The following CCDC171 variants were observed in gnomAD, a reference collection of about 807,000 sequenced individuals.
The protein encoded by CCDC171 is coiled-coil domain-containing protein 171.
CCDC171 carries 177 observed loss-of-function variants against 168.2 expected under a neutral mutation model. The observed-to-expected ratio is 1.05, with a 90% CI of 0.93 to 1.19. The LOEUF (loss-of-function observed/expected upper bound fraction) is 1.19, where lower values mean the gene tolerates loss of function less well. Ranked by LOEUF, CCDC171 falls within the 50% of genes most tolerant of loss-of-function variation. The pLI is 0.00. For synonymous variants in CCDC171, 687 were observed against 540.8 expected, an observed-to-expected ratio of 1.27 and a Z score of -3.75; for missense variants, 1,991 against 1,539.0, an observed-to-expected ratio of 1.29 and a Z score of -4.91.
intron 9 of CCDC171, among the ~76,000 whole-genome samples, chr9:15,674,114 T>C (rs1373923861): frequency 6.6e-6 from 1 of 152,212 alleles, no homozygotes; most frequent in East Asian, 1.9e-4. Context: ...CCATTTCTTC[T>C]AGATTTTCTA....
intron 25 of CCDC171, among the ~76,000 whole-genome samples, chr9:15,965,148 T>TAA (rs1476240208): frequency 3.9e-5 from 6 of 152,356 alleles, no homozygotes; most frequent in Non-Finnish European, 5.9e-5. Flanking sequence ...ATGAAAGGGC[T>TAA]ATAACTTTCA....
intron 11 of CCDC171, among the ~76,000 whole-genome samples, chr9:15,714,483 A>G (rs2052924200): frequency 2.0e-5 from 3 of 152,154 alleles, no homozygotes; most frequent in South Asian, 4.1e-4. Context: ...TGACCTCTGT[A>G]AGCTCCTACC....
chr9:15,774,437 T>TA (rs1034650233), intron 18 of CCDC171, among the ~76,000 whole-genome samples: 8 of 149,936 alleles, frequency 5.3e-5, no homozygotes, highest in South Asian at 2.1e-4. Context: ...ATGGCCATAA[T>TA]AAAAAAAAAT....
chr9:16,069,173 G>A, the CCDC171 span, among the ~76,000 whole-genome samples: 1 of 152,150 alleles, frequency 6.6e-6, no homozygotes, highest in East Asian at 1.9e-4. Flanking sequence ...AAGGAGTAAG[G>A]TTAAAATCAT....
intron 25 of CCDC171, among the ~76,000 whole-genome samples, chr9:15,938,442 AT>A (rs982913764): frequency 4.0e-5 from 6 of 151,280 alleles, no homozygotes; most frequent in East Asian, 2.0e-4. Context: ...AAAAATCCTA[AT>A]TTTTTTTTCT....
At chr9:15,872,865 G>T (rs184390996) in intron 23 of CCDC171, among the ~76,000 whole-genome samples, 11 of 152,028 alleles carry the variant, frequency 7.2e-5, no homozygotes, top group Admixed American at 6.6e-5. Context: ...GCAAGAGAAG[G>T]TATTCATACA....
chr9:15,642,183 T>G (rs1171401287), intron 7 of CCDC171, among the ~76,000 whole-genome samples: 2 of 151,442 alleles, frequency 1.3e-5, no homozygotes, highest in Non-Finnish European at 2.9e-5. Flanking sequence ...AAAGGACTGT[T>G]GTTCGTAGTG....
chr9:16,028,865 C>T (rs1833320708), intron 6 of CCDC171, among the ~76,000 whole-genome samples: 1 of 152,204 alleles, frequency 6.6e-6, no homozygotes, highest in Admixed American at 6.5e-5. Flanking sequence ...TAGTATTGCA[C>T]TGCAGTCTAA....
chr9:15,856,508 A>G (rs2061354485), intron 23 of CCDC171, among the ~76,000 whole-genome samples: 1 of 151,962 alleles, frequency 6.6e-6, no homozygotes, highest in Admixed American at 6.6e-5. Flanking sequence ...ATTTCATAAG[A>G]TTTCCTTCTT....
intron 24 of CCDC171, among the ~76,000 whole-genome samples, chr9:15,899,146 G>C (rs1432929272): frequency 6.6e-6 from 1 of 152,116 alleles, no homozygotes; most frequent in Non-Finnish European, 1.5e-5. Context: ...TATATCAATA[G>C]TTTATTCCTT....
At chr9:15,610,889 C>T (rs1350307343) in intron 6 of CCDC171, among the ~76,000 whole-genome samples, 2 of 152,012 alleles carry the variant, frequency 1.3e-5, no homozygotes, top group Non-Finnish European at 2.9e-5. Context: ...TGTTTGGCTT[C>T]ATTTTGTAGT....
At chr9:16,070,304 A>C in the CCDC171 span, among the ~76,000 whole-genome samples, 1 of 152,170 alleles carries the variant, frequency 6.6e-6, no homozygotes, top group Non-Finnish European at 1.5e-5. Context: ...CTGCCTCGGC[A>C]AACAATTGGT....
chr9:15,650,102 A>G (rs1410905035), intron 7 of CCDC171, among the ~76,000 whole-genome samples: 1 of 152,212 alleles, frequency 6.6e-6, no homozygotes, highest in East Asian at 1.9e-4. Flanking sequence ...CTTTGTAGGG[A>G]CATGGATGAA....
chr9:15,657,167 A>C lies in CCDC171; in HGVS notation c.863A>C (p.Glu288Ala), dbSNP rs756758423. 3.7e-6 allele frequency: 6 copies of C among 1,611,208 alleles called. No homozygotes were observed. The highest frequency in any genetic ancestry group is 1.7e-5 in the Admixed American group (1 of 59,466). The change falls in exon 8 of 26, where the codon GAA becomes GCA. Residue 288 changes from glutamate (E) to alanine (A), a missense_variant. Glu to Ala is a moderately radical substitution (Grantham distance 107, BLOSUM62 -1). Transcript: ENST00000380701. The part of the protein sequence containing the change: ...LRVRKLEENI[E>A]AERAAHLESK... ...GTGAGGAAATTAGAAGAAAACATTG[A>C]AGCAGAAAGAGCAGCGCATTTGGAA...
chr9:15,923,969 A>G (rs1483365404), intron 25 of CCDC171, among the ~76,000 whole-genome samples: 1 of 151,422 alleles, frequency 6.6e-6, no homozygotes, highest in African/African-American at 2.4e-5. Flanking sequence ...CAGCTTATAT[A>G]TAATGTGTTA....
At chr9:15,926,066 T>TA (rs80315649) in intron 25 of CCDC171, among the ~76,000 whole-genome samples, 1 of 151,318 alleles carries the variant, frequency 6.6e-6, no homozygotes, top group Non-Finnish European at 1.5e-5. Flanking sequence ...AATAGGCATA[T>TA]AAAAAAATCT....
At chr9:15,736,859 G>T (rs116563914) in intron 16 of CCDC171, among the ~76,000 whole-genome samples, 5 of 152,022 alleles carry the variant, frequency 3.3e-5, no homozygotes, top group African/African-American at 1.2e-4. Flanking sequence ...GTATTTTTTC[G>T]TAGAGATTGG....
the CCDC171 span, among the ~76,000 whole-genome samples, chr9:16,092,693 C>A: frequency 6.6e-6 from 1 of 152,226 alleles, no homozygotes; most frequent in Non-Finnish European, 1.5e-5. Flanking sequence ...TGAGGCAGAT[C>A]TGAGGAGCTC....
At chr9:15,745,720 TA>T (rs2055225259) in intron 18 of CCDC171, 89 bp downstream of exon 18, 8 of 675,466 alleles carry the variant, frequency 1.2e-5, no homozygotes, top group African/African-American at 5.6e-5. Context: ...ATAAAACATA[TA>T]GGGGGAAATA....
Sources: gnomAD v4.1 joint callset for allele counts (sites outside exome capture counted in the v4.1 genomes callset) on GRCh38, gnomAD v4.1.1 for gene constraint, MANE v1.5 for transcripts, NCBI Gene and HGNC (gene_info 2026-07-23, HGNC 2026-07-21) for gene names.